Variants in KCNK3 observed in about 807,000 individuals in gnomAD.
KCNK3 encodes potassium two pore domain channel subfamily K member 3, also known as potassium channel subfamily K member 3.
A neutral mutation model predicts 27.3 loss-of-function variants in KCNK3; 9 were observed. The ratio of observed to expected loss-of-function variants is 0.33; its 90% CI spans 0.20 to 0.57. The LOEUF is 0.57. Ranked by LOEUF, KCNK3 falls within the 20% of genes least tolerant of loss-of-function variation. The pLI is 0.87. For synonymous variants in KCNK3, 278 were observed against 273.8 expected (o/e 1.02, Z -0.15); for missense variants, 391 against 577.7 (o/e 0.68, Z 3.31).
rs1280485054 is a variant in KCNK3, at chr2:26,700,199, A to G, written c.283+7041A>G. 2.0e-5 allele frequency among the ~76,000 whole-genome samples: 3 copies of G among 152,250 alleles called. No homozygotes were observed. The East Asian group carries it at 5.8e-4, about 29-fold the overall frequency. ...CTTACAGCTATCATCAGAGCTGGGC[A>G]TAGAGCCCTGTTTCCTGACCCCTCC... On this transcript the variant is annotated intron_variant, in intron 1 of 1. Transcript: ENST00000302909.
At chr2:26,700,724 T>TCGTCAC (rs1553384547) in intron 1 of KCNK3, among the ~76,000 whole-genome samples, 1 of 80,814 alleles carries the variant, frequency 1.2e-5, no homozygotes, top group Non-Finnish European at 2.7e-5. Flanking sequence ...TTCATCATCA[T>TCGTCAC]CATCACCATC....
chr2:26,714,267 G>T (rs545028393), intron 1 of KCNK3, among the ~76,000 whole-genome samples: 6 of 151,696 alleles, frequency 4.0e-5, no homozygotes, highest in African/African-American at 1.5e-4. Context: ...AGGGGAAGCA[G>T]CAGGCCCAGA....
chr2:26,725,186 G>A (rs1663391697), intron 1 of KCNK3, among the ~76,000 whole-genome samples: 1 of 152,076 alleles, frequency 6.6e-6, no homozygotes, highest in African/African-American at 2.4e-5. Context: ...CCACAGAGAT[G>A]GCCCTGCCCC....
chr2:26,717,406 G>A (rs1474691198), intron 1 of KCNK3, among the ~76,000 whole-genome samples: 1 of 152,238 alleles, frequency 6.6e-6, no homozygotes, highest in African/African-American at 2.4e-5. Flanking sequence ...GGAAAGGCCT[G>A]GGAGTGTAAA....
Position 26,721,136 on chromosome 2 carries a change from C to G in KCNK3, c.284-6531C>G, listed in dbSNP as rs1245568320. On this transcript the variant is annotated intron_variant, in intron 1 of 1. Coordinates refer to ENST00000302909, the MANE Select transcript of KCNK3 (RefSeq NM_002246.3). This position sits in a 1 kb window ranked among gnomAD's most constrained non-coding sequence, Gnocchi z 4.3. ...ACCTCAGAGTCCTTCAGAACTGGAG[C>G]CTCTGGGTTCTGCAGCCCTCCCACC... 6.6e-6 allele frequency among the ~76,000 whole-genome samples: 1 copy of G among 152,136 alleles called. No individual in the cohort carries two copies. The highest frequency in any genetic ancestry group is 1.5e-5 in the Non-Finnish European group (1 of 68,018).
At chr2:26,703,491 G>A (rs1670334133) in intron 1 of KCNK3, among the ~76,000 whole-genome samples, 1 of 152,110 alleles carries the variant, frequency 6.6e-6, no homozygotes, top group East Asian at 1.9e-4. Context: ...ATCTTCAAAG[G>A]GGCAGCCTGG....
Position 26,730,472 on chromosome 2 carries a change from G to A in KCNK3, c.*1904G>A, listed in dbSNP as rs1381163449. On this transcript the variant is annotated 3_prime_UTR_variant, in exon 2 of 2. Coordinates refer to ENST00000302909, the MANE Select transcript of KCNK3 (RefSeq NM_002246.3). ...CAGCTGGAGCCGGTATAATGACTGG[G>A]ACAACATCAAGGGGTGGATGAGGGG... 6.6e-6 allele frequency: 1 copy of A among 152,328 alleles called. No individual in the cohort carries two copies. The highest frequency in any genetic ancestry group is 2.4e-5 in the African/African-American group (1 of 41,450). 9.4% of individuals were successfully genotyped at this position (152,328 alleles called of 1,614,324 possible).
At chr2:26,725,107 C>T (rs1663390468) in intron 1 of KCNK3, among the ~76,000 whole-genome samples, 2 of 152,226 alleles carry the variant, frequency 1.3e-5, no homozygotes, top group South Asian at 2.1e-4. Flanking sequence ...ATGACAAACA[C>T]AGGACAAGGG....
chr2:26,716,961 A>T (rs1663245010), intron 1 of KCNK3, among the ~76,000 whole-genome samples: 1 of 152,210 alleles, frequency 6.6e-6, no homozygotes, highest in African/African-American at 2.4e-5. Flanking sequence ...GTTTTATTGG[A>T]ACACTAAATT....
chr2:26,710,138 T>TG (rs924649408), intron 1 of KCNK3, among the ~76,000 whole-genome samples: 7 of 151,790 alleles, frequency 4.6e-5, no homozygotes, highest in South Asian at 2.1e-4. Flanking sequence ...CTGCCAAGGG[T>TG]GGGGGGCTGA....
chr2:26,699,255 C>CAAGCAAGCA (rs1228423650), intron 1 of KCNK3, among the ~76,000 whole-genome samples: 66 of 106,502 alleles, frequency 6.2e-4, no homozygotes, highest in African/African-American at 2.2e-3. Context: ...GAAAGAAAGC[C>CAAGCAAGCA]AGCCAAGGAG....
chr2:26,722,701 TA>T (rs1324292106), intron 1 of KCNK3, among the ~76,000 whole-genome samples: 5 of 152,254 alleles, frequency 3.3e-5, no homozygotes, highest in African/African-American at 1.2e-4. Flanking sequence ...GATGTGTGCT[TA>T]ATTAATTTTG....
chr2:26,729,416 G>A lies in KCNK3; in HGVS notation c.*848G>A, dbSNP rs1464737267. 1 of 152,198 alleles carries A rather than the reference G, an allele frequency of 6.6e-6. No individual in the cohort carries two copies. Among genetic ancestry groups the A allele is most frequent in the Non-Finnish European group, 1.5e-5 (1 of 68,064 alleles). 9.4% of individuals were successfully genotyped at this position (152,198 alleles called of 1,614,324 possible). A position where few individuals can be genotyped will look rare whatever the true frequency, so the allele number is the denominator to read the frequency against. ...GATTTTTAGCCTCTGAAAACTCTATGCTGGCCACTGATTCCTTTGAGTCTC... is the reference window on the plus strand; with the variant it reads ...GATTTTTAGCCTCTGAAAACTCTATACTGGCCACTGATTCCTTTGAGTCTC... On this transcript the variant is annotated 3_prime_UTR_variant, in exon 2 of 2. Coordinates refer to ENST00000302909, the MANE Select transcript of KCNK3 (RefSeq NM_002246.3).
intron 1 of KCNK3, among the ~76,000 whole-genome samples, chr2:26,725,362 T>C (rs916835380): frequency 4.6e-5 from 7 of 152,078 alleles, no homozygotes; most frequent in African/African-American, 1.7e-4. Flanking sequence ...TAGCTCAATC[T>C]TCCAGAGTGT....
In KCNK3 at chr2:26,729,976, G is replaced by A. The variant is rs1383192260; in HGVS notation, c.*1408G>A. 6.6e-6 allele frequency: 1 copy of A among 152,258 alleles called. No homozygotes were observed. The highest frequency in any genetic ancestry group is 1.5e-5 in the Non-Finnish European group (1 of 68,084). 9.4% of individuals were successfully genotyped at this position (152,258 alleles called of 1,614,324 possible). On this transcript the variant is annotated 3_prime_UTR_variant, in exon 2 of 2. Coordinates refer to ENST00000302909, the MANE Select transcript of KCNK3 (RefSeq NM_002246.3). ...CATCCTGGCATTGTGTGGCTACCTG[G>A]GTTTTAAACCAGAATCAGAAGTCCC...
rs552627917 is a variant in KCNK3, at chr2:26,732,041, T to C, written c.*3473T>C. The stretch of plus-strand genomic sequence containing the variant: ...GAAGGAGAGTGCATCACAAGCACCT[T>C]TCTTTGGGGTAGATTTTTCTCTGGG... On this transcript the variant is annotated 3_prime_UTR_variant, in exon 2 of 2. Coordinates refer to ENST00000302909, the MANE Select transcript of KCNK3 (RefSeq NM_002246.3). 1 of 152,310 alleles carries C rather than the reference T, an allele frequency of 6.6e-6. No homozygotes were observed. Among genetic ancestry groups the C allele is most frequent in the South Asian group, 2.1e-4 (1 of 4,814 alleles). The allele number at this position is 152,310 out of a possible 1,614,324, so 9.4% of individuals were successfully genotyped here.
At chr2:26,720,325 C>T (rs1663305575) in intron 1 of KCNK3, among the ~76,000 whole-genome samples, 1 of 152,182 alleles carries the variant, frequency 6.6e-6, no homozygotes, top group African/African-American at 2.4e-5. Context: ...ACTGATCGCT[C>T]CTAAGGTCCC....
In KCNK3 at chr2:26,716,196, C is replaced by G. The variant is rs190987454; in HGVS notation, c.284-11471C>G. Among the ~76,000 whole-genome samples, 140 of 152,294 alleles carry G rather than the reference C, an allele frequency of 9.2e-4. 1 individual carries two copies. Among genetic ancestry groups the G allele is most frequent in the Admixed American group, 3.3e-3 (51 of 15,288 alleles). ...CCTTTGAATTTCAAGTTTGATTCTA[C>G]CATTTATGGCCTGAGATGAAACACT... On this transcript the variant is annotated intron_variant, in intron 1 of 1. Coordinates refer to ENST00000302909, the MANE Select transcript of KCNK3 (RefSeq NM_002246.3).
At chr2:26,708,464 A>C (rs1670402469) in intron 1 of KCNK3, among the ~76,000 whole-genome samples, 1 of 152,190 alleles carries the variant, frequency 6.6e-6, no homozygotes, top group South Asian at 2.1e-4. Context: ...ACCTGAGGTC[A>C]GGAGTTTGAG....
Sources: gnomAD v4.1 joint callset for allele counts (sites outside exome capture counted in the v4.1 genomes callset) on GRCh38, gnomAD v4.1.1 for gene constraint, Gnocchi (gnomAD v3.1) non-coding constraint, MANE v1.5 for transcripts, NCBI Gene and HGNC (gene_info 2026-07-23, HGNC 2026-07-21) for gene names.